SMAD3: variants seen among roughly 807,000 people sequenced by gnomAD.
SMAD3 encodes MAD homolog 3.
SMAD3 carries 12 observed loss-of-function variants against 51.8 expected under a neutral mutation model. The ratio of observed to expected loss-of-function variants is 0.23; its 90% CI spans 0.15 to 0.38. The LOEUF is 0.38. Ranked by LOEUF, SMAD3 falls within the 10% of genes least tolerant of loss-of-function variation. SMAD3 has a pLI of 1.00. For synonymous variants in SMAD3, 238 were observed against 227.7 expected (o/e 1.05, Z -0.41); for missense variants, 294 against 565.6 (o/e 0.52, Z 4.87).
At chr15:67,068,968 T>TG (rs765431931) in intron 1 of SMAD3, among the ~76,000 whole-genome samples, 133 of 152,022 alleles carry the variant, frequency 8.7e-4, no homozygotes, top group African/African-American at 2.4e-3. Context: ...TCCCCCTGTG[T>TG]GTGGGGGGTT....
intron 1 of SMAD3, among the ~76,000 whole-genome samples, chr15:67,112,249 A>G (rs929528364): frequency 7.0e-5 from 10 of 143,220 alleles, no homozygotes; most frequent in African/African-American, 2.6e-4. Context: ...ACCTAGGTTC[A>G]AGCAATTCTC....
chr15:67,179,059 G>A (rs758685323), intron 5 of SMAD3, among the ~76,000 whole-genome samples: 1 of 152,196 alleles, frequency 6.6e-6, no homozygotes, highest in African/African-American at 2.4e-5. Context: ...TGCGCGCCCT[G>A]CACCTCACAT....
chr15:67,158,225 G>A (rs2140285293), intron 1 of SMAD3, among the ~76,000 whole-genome samples: 1 of 152,324 alleles, frequency 6.6e-6, no homozygotes, highest in Non-Finnish European at 1.5e-5. Context: ...GGGAGAGTGT[G>A]TTCTGGACAC....
chr15:67,136,527 C>T (rs929930880), intron 1 of SMAD3, among the ~76,000 whole-genome samples: 4 of 152,064 alleles, frequency 2.6e-5, no homozygotes, highest in Middle Eastern at 3.2e-3. Flanking sequence ...GACAGGGTTT[C>T]GCCATGTTGG....
chr15:67,143,474 G>A (rs1595925810), intron 1 of SMAD3, among the ~76,000 whole-genome samples: 1 of 152,288 alleles, frequency 6.6e-6, no homozygotes, highest in East Asian at 1.9e-4. Flanking sequence ...TCACCCTGTA[G>A]CCCAGGCTGG....
chr15:67,104,162 T>G (rs1240104370), intron 1 of SMAD3, among the ~76,000 whole-genome samples: 3 of 152,182 alleles, frequency 2.0e-5, no homozygotes, highest in African/African-American at 7.2e-5. Context: ...CCCCAACTTT[T>G]GACAACCAAG....
rs886051400 is a variant in SMAD3 at position 67,192,177 on chromosome 15, T to G, written c.*1641T>G. The G allele has an allele frequency of 8.6e-6, 2 of 232,858 alleles. No homozygotes were observed. Among genetic ancestry groups the G allele is most frequent in the Non-Finnish European group, 1.7e-5 (2 of 117,470 alleles). 14.4% of individuals were successfully genotyped at this position (232,858 alleles called of 1,614,324 possible). A position where few individuals can be genotyped will look rare whatever the true frequency, so the allele number is the denominator to read the frequency against. ...TTTGGCAAGTCATACAGCTCAAATGTGATGAGATTTCTGATGTTAGAGGGA... is the reference window on the plus strand; with the variant it reads ...TTTGGCAAGTCATACAGCTCAAATGGGATGAGATTTCTGATGTTAGAGGGA... On this transcript the variant is annotated 3_prime_UTR_variant, in exon 9 of 9. Transcript: ENST00000327367.
chr15:67,095,759 T>C (rs1960602783), intron 1 of SMAD3, among the ~76,000 whole-genome samples: 1 of 152,180 alleles, frequency 6.6e-6, no homozygotes, highest in Non-Finnish European at 1.5e-5. Flanking sequence ...GGTCTCGAAC[T>C]CCTGACCTCA....
chr15:67,182,328 A>G (rs1224124966), intron 6 of SMAD3, among the ~76,000 whole-genome samples: 1 of 152,248 alleles, frequency 6.6e-6, no homozygotes, highest in Non-Finnish European at 1.5e-5. Flanking sequence ...TGTGTTACGC[A>G]TCACTTGGTT....
At chr15:67,186,060 A>C (rs1195173311) in intron 7 of SMAD3, among the ~76,000 whole-genome samples, 2 of 152,262 alleles carry the variant, frequency 1.3e-5, no homozygotes, top group Non-Finnish European at 2.9e-5. Context: ...CGTTGACCTC[A>C]TTTAGTCCTC....
intron 1 of SMAD3, among the ~76,000 whole-genome samples, chr15:67,083,136 G>T (rs781377359): frequency 6.6e-6 from 1 of 152,256 alleles, no homozygotes; most frequent in Non-Finnish European, 1.5e-5. Context: ...GCCGGGGCAT[G>T]AAACCAGACG....
At chr15:67,158,572 C>T (rs1962344954) in intron 1 of SMAD3, among the ~76,000 whole-genome samples, 1 of 152,260 alleles carries the variant, frequency 6.6e-6, no homozygotes, top group African/African-American at 2.4e-5. Flanking sequence ...CCCAGCCTGA[C>T]AGCCAGGAGT....
chr15:67,102,241 T>C (rs551282260), intron 1 of SMAD3, among the ~76,000 whole-genome samples: 1 of 82,560 alleles, frequency 1.2e-5, no homozygotes, highest in South Asian at 7.2e-4. Context: ...GGGGAAATGC[T>C]GTGAAAGTGT....
chr15:67,104,269 T>G (rs945045688), intron 1 of SMAD3, among the ~76,000 whole-genome samples: 3 of 152,238 alleles, frequency 2.0e-5, no homozygotes, highest in Non-Finnish European at 4.4e-5. Context: ...AGTGTTTGAA[T>G]GAATGAATGC....
chr15:67,088,514 C>T (rs748699856), intron 1 of SMAD3, among the ~76,000 whole-genome samples: 2 of 152,128 alleles, frequency 1.3e-5, no homozygotes, highest in Admixed American at 6.5e-5. Flanking sequence ...AGCGGTGGGG[C>T]GGTAGCGAGG....
intron 1 of SMAD3, among the ~76,000 whole-genome samples, chr15:67,112,166 T>TTTTTTTTTTTTA (rs56777498): frequency 1.1e-4 from 15 of 141,858 alleles, no homozygotes; most frequent in South Asian, 2.3e-4. Flanking sequence ...TTTTTTTTTT[T>TTTTTTTTTTTTA]GAGACAGAGT....
At chr15:67,135,402 A>T (rs895061588) in intron 1 of SMAD3, among the ~76,000 whole-genome samples, 1 of 152,180 alleles carries the variant, frequency 6.6e-6, no homozygotes, top group Non-Finnish European at 1.5e-5. Context: ...TGGTTTCCTC[A>T]TCTGGGACAG....
At chr15:67,152,092 T>C (rs1338384916) in intron 1 of SMAD3, among the ~76,000 whole-genome samples, 3 of 152,232 alleles carry the variant, frequency 2.0e-5, no homozygotes, top group Non-Finnish European at 4.4e-5. Flanking sequence ...ATTTTTCCTC[T>C]TTAGCTGTAA....
rs528546495 is a variant in SMAD3, at chr15:67,166,972, T to G, written c.607+119T>G. ...CCCTTCTATCTCTCTCTCCAGTATT[T>G]GTAGAGCAACCGCGATGTGCAAGGG... On this transcript the variant is annotated intron_variant, in intron 4 of 8. Transcript: ENST00000327367. 283 of 844,192 alleles carry G rather than the reference T, an allele frequency of 3.4e-4. 3 individuals are homozygous for G. The South Asian group carries it at 3.9e-3, about 12-fold the overall frequency. The allele number at this position is 844,192 out of a possible 1,614,324, so 52.3% of individuals were successfully genotyped here.
Sources: allele counts gnomAD v4.1 joint callset (sites outside exome capture counted in the v4.1 genomes callset), GRCh38; gene constraint gnomAD v4.1.1; transcripts MANE v1.5; gene names NCBI Gene and HGNC (gene_info 2026-07-23, HGNC 2026-07-21).